The following CRISP2 variants were observed in gnomAD, a reference collection of about 807,000 sequenced individuals.
The protein encoded by CRISP2 is cysteine rich secretory protein 2.
A neutral mutation model predicts 31.7 loss-of-function variants in CRISP2; 29 were observed. The ratio of observed to expected loss-of-function variants is 0.92; its 90% CI spans 0.68 to 1.25. The LOEUF is 1.25. CRISP2 is among the 50% of genes most tolerant of loss of function. The probability of loss-of-function intolerance (pLI) is 0.00; values close to 1 mark genes in which losing one functional copy is unlikely to be tolerated. For synonymous variants in CRISP2, 111 were observed against 101.4 expected, an observed-to-expected ratio of 1.09 and a Z score of -0.57; for missense variants, 318 against 286.5, an observed-to-expected ratio of 1.11 and a Z score of -0.79.
Position 49,698,487 on chromosome 6 carries a change from G to A in CRISP2, c.292C>T (p.Leu98Phe), listed in dbSNP as rs200917120. Residue 98 changes from leucine to phenylalanine, a missense_variant, in exon 7 of 10, where the codon CTC (leucine) becomes TTC (phenylalanine). Coordinates refer to ENST00000339139, the MANE Select transcript of CRISP2 (RefSeq NM_003296.4). ...GAAGTAGGGTCACTTGACATATAGA[G>A]ATTCTCACCACATCTTGTACCTAAG... Reference protein sequence around the residue: ...RKTSTRCGENLYMSSDPTSWS... With the variant: ...RKTSTRCGENFYMSSDPTSWS... 5.0e-6 allele frequency: 8 copies of A among 1,610,640 alleles called. No homozygotes were observed. Among genetic ancestry groups the A allele is most frequent in the Non-Finnish European group, 6.8e-6 (8 of 1,178,842 alleles).
downstream of CRISP2, among the ~76,000 whole-genome samples, chr6:49,688,883 G>C (rs987301970): frequency 1.3e-5 from 2 of 151,442 alleles, no homozygotes; most frequent in African/African-American, 2.4e-5. Context: ...TATTTTTTTG[G>C]GGGGGACTGA....
At chr6:49,712,129 C>T (rs1034174219) in intron 2 of CRISP2, among the ~76,000 whole-genome samples, 3 of 152,174 alleles carry the variant, frequency 2.0e-5, no homozygotes, top group African/African-American at 4.8e-5. Flanking sequence ...CTATTAGACA[C>T]CTTCTGGCTG....
chr6:49,677,197 T>C, the CRISP2 span, among the ~76,000 whole-genome samples: 7 of 152,290 alleles, frequency 4.6e-5, no homozygotes, highest in African/African-American at 1.4e-4. Flanking sequence ...TTTATAAAGT[T>C]ATCTTGGCGA....
chr6:49,683,916 A>T, the CRISP2 span, among the ~76,000 whole-genome samples: 1 of 151,526 alleles, frequency 6.6e-6, no homozygotes, highest in Non-Finnish European at 1.5e-5. Flanking sequence ...GTTTGAATAT[A>T]TTTTTCATTC....
At chr6:49,712,089 A>G (rs1022288248) in intron 2 of CRISP2, among the ~76,000 whole-genome samples, 1 of 152,210 alleles carries the variant, frequency 6.6e-6, no homozygotes, top group African/African-American at 2.4e-5. Context: ...GTATAATCTA[A>G]TTCGAGATTC....
chr6:49,707,586 G>A (rs1767293036), intron 4 of CRISP2, among the ~76,000 whole-genome samples: 1 of 152,142 alleles, frequency 6.6e-6, no homozygotes, highest in Non-Finnish European at 1.5e-5. Context: ...GAAATGAAAA[G>A]AACAGCAAAT....
chr6:49,698,949 T>C (rs1765208988), intron 6 of CRISP2, among the ~76,000 whole-genome samples: 1 of 152,114 alleles, frequency 6.6e-6, no homozygotes, highest in African/African-American at 2.4e-5. Context: ...AAAGACTTTA[T>C]AGGCTGTCTT....
chr6:49,691,500 G>A (rs1001576360), downstream of CRISP2, among the ~76,000 whole-genome samples: 2 of 151,662 alleles, frequency 1.3e-5, no homozygotes, highest in African/African-American at 2.4e-5. Flanking sequence ...TCTGTGTCAG[G>A]GTATGTTTTC....
chr6:49,710,722 T>C (rs937197272), intron 3 of CRISP2, among the ~76,000 whole-genome samples: 8 of 152,220 alleles, frequency 5.3e-5, no homozygotes, highest in African/African-American at 1.9e-4. Context: ...AATTTTTACA[T>C]ATCAAATTTT....
intron 3 of CRISP2, among the ~76,000 whole-genome samples, chr6:49,709,438 T>C (rs1767624312): frequency 6.6e-6 from 1 of 152,190 alleles, no homozygotes; most frequent in Admixed American, 6.5e-5. Context: ...CTGATGCCCT[T>C]GAGGTACATC....
At chr6:49,697,137 A>G (rs1582039017) in intron 8 of CRISP2, among the ~76,000 whole-genome samples, 1 of 152,304 alleles carries the variant, frequency 6.6e-6, no homozygotes, top group East Asian at 1.9e-4. Context: ...CCAGTAGTAA[A>G]GAATTTCAAA....
chr6:49,694,567 C>G (rs1021917479), intron 9 of CRISP2, among the ~76,000 whole-genome samples: 3 of 152,062 alleles, frequency 2.0e-5, no homozygotes, highest in African/African-American at 7.2e-5. Flanking sequence ...TTCTCTTTCC[C>G]CCAAGTGGAC....
the CRISP2 span, among the ~76,000 whole-genome samples, chr6:49,679,387 G>A: frequency 2.5e-4 from 38 of 152,236 alleles, no homozygotes; most frequent in South Asian, 7.3e-3. Flanking sequence ...CACCTTTAAG[G>A]ACTCCTCTTT....
the CRISP2 span, among the ~76,000 whole-genome samples, chr6:49,677,199 T>A: frequency 6.6e-6 from 1 of 152,168 alleles, no homozygotes; most frequent in South Asian, 2.1e-4. Context: ...TATAAAGTTA[T>A]CTTGGCGATG....
chr6:49,682,587 T>TTCTTTCTTTC, the CRISP2 span, among the ~76,000 whole-genome samples: 2 of 83,666 alleles, frequency 2.4e-5, no homozygotes, highest in Non-Finnish European at 4.7e-5. Context: ...CTTTCTTTCT[T>TTCTTTCTTTC]TTTCTTTCTT....
intron 3 of CRISP2, among the ~76,000 whole-genome samples, 171 bp from the exon 4 acceptor site, chr6:49,709,376 A>G (rs183553400): frequency 6.6e-6 from 1 of 152,342 alleles, no homozygotes; most frequent in Admixed American, 6.5e-5. Flanking sequence ...AATCATAATG[A>G]GGCCAACCTT....
intron 4 of CRISP2, among the ~76,000 whole-genome samples, chr6:49,708,515 G>A (rs1278211995): frequency 6.6e-6 from 1 of 152,130 alleles, no homozygotes; most frequent in Non-Finnish European, 1.5e-5. Context: ...TGTAAAGATG[G>A]AGGCAGAGAT....
chr6:49,712,051 TTCCAGGTGTTATAGGAAAATA>T (rs1169572585), intron 2 of CRISP2, among the ~76,000 whole-genome samples: 2 of 152,226 alleles, frequency 1.3e-5, no homozygotes, highest in Non-Finnish European at 2.9e-5. Context: ...ATGTGTTTCC[TTCCAGGTGTTATAGGAAAATA>T]CAATCAGTAT....
At chr6:49,711,221 T>G (rs914443884) in intron 3 of CRISP2, 64 bp downstream of exon 3, 1 of 152,180 alleles carries the variant, frequency 6.6e-6, no homozygotes, top group African/African-American at 2.4e-5. Flanking sequence ...ATTTTACCCT[T>G]GACAACATAA....
Sources: gnomAD v4.1 joint callset for allele counts (sites outside exome capture counted in the v4.1 genomes callset) on GRCh38, gnomAD v4.1.1 for gene constraint, MANE v1.5 for transcripts, NCBI Gene and HGNC (gene_info 2026-07-23, HGNC 2026-07-21) for gene names.